The following PRKCH variants were observed in gnomAD, a reference collection of about 807,000 sequenced individuals.
PRKCH encodes protein kinase C eta type.
A neutral mutation model predicts 82.5 loss-of-function variants in PRKCH; 28 were observed. The ratio of observed to expected loss-of-function variants is 0.34; its 90% CI spans 0.25 to 0.47. The LOEUF (loss-of-function observed/expected upper bound fraction) is 0.47, where lower values mean the gene tolerates loss of function less well. PRKCH is among the 20% of genes least tolerant of loss of function. The probability of loss-of-function intolerance (pLI) is 1.00; values close to 1 mark genes in which losing one functional copy is unlikely to be tolerated. For missense variants in PRKCH, 705 were observed against 881.8 expected (o/e 0.80, Z 2.54); for synonymous variants, 322 against 327.4 (o/e 0.98, Z 0.18).
At chr14:61,369,263 C>G (rs2046337011) in intron 1 of PRKCH, among the ~76,000 whole-genome samples, 1 of 152,084 alleles carries the variant, frequency 6.6e-6, no homozygotes, top group South Asian at 2.1e-4. Context: ...GATTCTGTTT[C>G]AGTCCCTGAC....
intron 10 of PRKCH, among the ~76,000 whole-genome samples, chr14:61,497,081 C>T (rs1886700825): frequency 6.6e-6 from 1 of 152,184 alleles, no homozygotes; most frequent in Non-Finnish European, 1.5e-5. Context: ...TTTATATCCT[C>T]ATACATATTT....
intron 1 of PRKCH, among the ~76,000 whole-genome samples, chr14:61,252,922 A>G (rs2044959242): frequency 6.6e-6 from 1 of 152,120 alleles, no homozygotes; most frequent in Non-Finnish European, 1.5e-5. Flanking sequence ...GAATACACAC[A>G]CACAAGCAAG....
chr14:61,248,548 T>C (rs2044907800), intron 1 of PRKCH, among the ~76,000 whole-genome samples: 1 of 152,170 alleles, frequency 6.6e-6, no homozygotes, highest in African/African-American at 2.4e-5. Context: ...TGAGGGGGCC[T>C]GAACAAGGAA....
intron 9 of PRKCH, among the ~76,000 whole-genome samples, chr14:61,480,863 C>G (rs1885939214): frequency 6.6e-6 from 1 of 152,180 alleles, no homozygotes; most frequent in African/African-American, 2.4e-5. Context: ...CTTCGCAGTC[C>G]CTCCCGTCTG....
At chr14:61,198,236 A>G (rs530515923) in intron 1 of PRKCH, among the ~76,000 whole-genome samples, 197 of 152,282 alleles carry the variant, frequency 1.3e-3, no homozygotes, top group African/African-American at 4.6e-3. Flanking sequence ...TTTAACAACA[A>G]TCCCATTGCA....
intron 1 of PRKCH, chr14:61,344,161 C>T (rs2045962527): frequency 6.6e-6 from 1 of 152,126 alleles, no homozygotes; most frequent in South Asian, 2.1e-4. Flanking sequence ...CTGCAAGTTC[C>T]CTTAGCTCTG....
intron 1 of PRKCH, among the ~76,000 whole-genome samples, chr14:61,221,950 GAT>G (rs1203606501): frequency 6.6e-6 from 1 of 152,178 alleles, no homozygotes; most frequent in Non-Finnish European, 1.5e-5. Context: ...GGTCCACAGA[GAT>G]TGCCATCCCA....
chr14:61,549,690 C>T lies in PRKCH; in HGVS notation c.1911C>T (p.Ser637=), dbSNP rs545305589. The T allele has an allele frequency of 1.9e-6, 3 of 1,609,302 alleles. 1 individual carries two copies. In the South Asian group the frequency reaches 3.3e-5, roughly 18 times the overall value. ...TTCCCTTTTTTTTTTGGCAGAAATCCCGAGAAGATGTCAGTAATTTTGACC... is the reference window on the plus strand; with the variant it reads ...TTCCCTTTTTTTTTTGGCAGAAATCTCGAGAAGATGTCAGTAATTTTGACC... ...IEPPFRPRIK[S]REDVSNFDPD... is the part of the protein sequence containing the mutation. Residue 637 remains serine, a synonymous_variant, in exon 14 of 14, where the codon TCC becomes TCT. Coordinates refer to ENST00000332981, the MANE Select transcript of PRKCH (RefSeq NM_006255.5).
chr14:61,297,842 G>C (rs1455690950), intron 1 of PRKCH, among the ~76,000 whole-genome samples: 2 of 152,150 alleles, frequency 1.3e-5, no homozygotes, highest in Non-Finnish European at 2.9e-5. Flanking sequence ...AGTGTGTTCT[G>C]TCATTTGTAG....
At chr14:61,503,948 T>C (rs1887028389) in intron 10 of PRKCH, among the ~76,000 whole-genome samples, 1 of 152,130 alleles carries the variant, frequency 6.6e-6, no homozygotes. Context: ...ATACTTTACT[T>C]TGCAAGAATT....
At chr14:61,368,650 G>C (rs780393616) in intron 1 of PRKCH, among the ~76,000 whole-genome samples, 2 of 152,152 alleles carry the variant, frequency 1.3e-5, no homozygotes, top group Non-Finnish European at 2.9e-5. Flanking sequence ...CTCTCTTACA[G>C]ACTGCGGAGC....
intron 1 of PRKCH, among the ~76,000 whole-genome samples, chr14:61,377,547 G>A (rs189558935): frequency 2.7e-4 from 41 of 152,334 alleles, no homozygotes; most frequent in African/African-American, 9.9e-4. Flanking sequence ...AAGGGCCAGA[G>A]AGTAATATTT....
chr14:61,478,164 A>G (rs1886461), intron 9 of PRKCH, among the ~76,000 whole-genome samples: 82,203 of 152,188 alleles, frequency 0.54, 27,265 homozygotes, highest in Non-Finnish European at 0.73. Flanking sequence ...CATTTCACTT[A>G]TGGTATGCCA....
chr14:61,511,571 A>T (rs555723451), intron 10 of PRKCH, among the ~76,000 whole-genome samples: 1 of 152,334 alleles, frequency 6.6e-6, no homozygotes, highest in African/African-American at 2.4e-5. Flanking sequence ...CCAGAGCTAT[A>T]GCTTGGAGGC....
chr14:61,516,906 T>C (rs769066230), intron 10 of PRKCH, among the ~76,000 whole-genome samples: 2 of 152,178 alleles, frequency 1.3e-5, no homozygotes, highest in African/African-American at 4.8e-5. Flanking sequence ...TCATCTATAA[T>C]CTAAAAGTAA....
intron 1 of PRKCH, among the ~76,000 whole-genome samples, chr14:61,351,602 A>C (rs2046075302): frequency 6.6e-6 from 1 of 152,178 alleles, no homozygotes; most frequent in Non-Finnish European, 1.5e-5. Context: ...TGGTGTTCGG[A>C]GGCACAGTGA....
At chr14:61,509,146 A>C (rs768218119) in intron 10 of PRKCH, among the ~76,000 whole-genome samples, 1 of 152,184 alleles carries the variant, frequency 6.6e-6, no homozygotes, top group Non-Finnish European at 1.5e-5. Flanking sequence ...TTCCCTCTCC[A>C]AGGTGCCAGA....
chr14:61,258,251 G>C (rs1020046914), intron 1 of PRKCH, among the ~76,000 whole-genome samples: 10 of 152,078 alleles, frequency 6.6e-5, no homozygotes, highest in African/African-American at 2.4e-4. Context: ...GACCACACAG[G>C]TTTTTGTTCA....
At chr14:61,306,541 C>T (rs1322023568) in intron 1 of PRKCH, 1 of 152,210 alleles carries the variant, frequency 6.6e-6, no homozygotes, top group Non-Finnish European at 1.5e-5. Context: ...TTTCCTTTCT[C>T]TCAAGTATCA....
Sources: allele counts gnomAD v4.1 joint callset (sites outside exome capture counted in the v4.1 genomes callset), GRCh38; gene constraint gnomAD v4.1.1; transcripts MANE v1.5; gene names NCBI Gene and HGNC (gene_info 2026-07-23, HGNC 2026-07-21).